CRB1: variants seen among roughly 807,000 people sequenced by gnomAD.
CRB1 encodes protein crumbs homolog 1.
Under a neutral mutation model 120.0 loss-of-function variants are expected in CRB1, and 83 were observed. The observed-to-expected ratio is 0.69, with a 90% CI of 0.58 to 0.83. The LOEUF is 0.83. Ranked by LOEUF, CRB1 falls within the 40% of genes least tolerant of loss-of-function variation. The pLI, the probability that CRB1 is intolerant of heterozygous loss-of-function variation, is 0.00. For synonymous variants in CRB1, 625 were observed against 612.5 expected, an observed-to-expected ratio of 1.02 and a Z score of -0.30; for missense variants, 1,699 against 1,687.6, an observed-to-expected ratio of 1.01 and a Z score of -0.12.
chr1:197,322,205 G>C (rs917474373), intron 1 of CRB1, among the ~76,000 whole-genome samples: 1 of 152,126 alleles, frequency 6.6e-6, no homozygotes, highest in African/African-American at 2.4e-5. Flanking sequence ...CACTGGCCAG[G>C]TACGGTGGCT....
At chr1:197,345,369 G>GGAA (rs1292622667) in intron 3 of CRB1, among the ~76,000 whole-genome samples, 5 of 151,988 alleles carry the variant, frequency 3.3e-5, no homozygotes, top group Non-Finnish European at 7.4e-5. Flanking sequence ...CTTTGCAAAA[G>GGAA]GAAGACCAGA....
chr1:197,477,669 A>G lies in CRB1; in HGVS notation c.4011A>G (p.Ala1337=). Residue 1337 remains alanine, a synonymous_variant, in exon 12 of 12, where the codon GCA becomes GCG. Coordinates refer to ENST00000367400, the MANE Select transcript of CRB1 (RefSeq NM_201253.3). ...FAGERCEVDL[A]DDLISDIFTT... is the part of the protein sequence containing the mutation. Reference sequence around the variant, plus strand: ...AATGATTTCAATCTTTCCAGTTGGCAGATGACTTGATCTCCGACATTTTCA... The same window carrying G: ...AATGATTTCAATCTTTCCAGTTGGCGGATGACTTGATCTCCGACATTTTCA... 1 of 1,613,746 alleles carries G rather than the reference A, an allele frequency of 6.2e-7. No homozygotes were observed. Among genetic ancestry groups the G allele is most frequent in the Non-Finnish European group, 8.5e-7 (1 of 1,179,696 alleles).
chr1:197,390,095 A>G (rs1228776761), intron 5 of CRB1, among the ~76,000 whole-genome samples: 1 of 150,862 alleles, frequency 6.6e-6, no homozygotes, highest in Non-Finnish European at 1.5e-5. Context: ...TGTAGAAAGG[A>G]AGTCAAATCT....
At chr1:197,359,008 T>A (rs1201677956) in intron 5 of CRB1, among the ~76,000 whole-genome samples, 5 of 152,228 alleles carry the variant, frequency 3.3e-5, no homozygotes, top group African/African-American at 1.2e-4. Context: ...TTTTTATGTC[T>A]ACACGTTTTT....
intron 11 of CRB1, chr1:197,443,155 T>C (rs1390366936): frequency 6.6e-6 from 1 of 151,594 alleles, no homozygotes; most frequent in Non-Finnish European, 1.5e-5. Flanking sequence ...GAATTACCGA[T>C]TAAAATTACT....
rs146813710 is a variant in CRB1, at chr1:197,304,239, C to T, written c.71-24183C>T. 62 of 201,828 alleles carry T rather than the reference C, an allele frequency of 3.1e-4. No homozygotes were observed. The Middle Eastern group carries it at 7.4e-3, about 24-fold the overall frequency. The allele number at this position is 201,828 out of a possible 1,614,324, so 12.5% of individuals were successfully genotyped here. A position where few individuals can be genotyped will look rare whatever the true frequency, so the allele number is the denominator to read the frequency against. ...TCTCTCAAAAATGGAATATAATATA[C>T]TCTTTAATAAGATTATTGTCTAATT... On this transcript the variant is annotated intron_variant, in intron 1 of 11. Coordinates refer to ENST00000367400, the MANE Select transcript of CRB1 (RefSeq NM_201253.3).
At chr1:197,238,408 T>C in the CRB1 span, among the ~76,000 whole-genome samples, 2 of 152,240 alleles carry the variant, frequency 1.3e-5, no homozygotes, top group Non-Finnish European at 2.9e-5. Context: ...GTAGACAATA[T>C]TGCTTTGATC....
the CRB1 span, among the ~76,000 whole-genome samples, chr1:197,231,394 T>A: frequency 6.6e-6 from 1 of 152,146 alleles, no homozygotes; most frequent in African/African-American, 2.4e-5. Flanking sequence ...TATAAGGTAT[T>A]CCACATGCCT....
chr1:197,420,958 T>A (rs1664273559), intron 5 of CRB1, 42 bp from the exon 6 acceptor site: 1 of 1,209,524 alleles, frequency 8.3e-7, no homozygotes, highest in Non-Finnish European at 1.2e-6. Context: ...CTATTTTTGA[T>A]GTGAATATAT....
chr1:197,377,063 C>G (rs1661687574), intron 5 of CRB1, among the ~76,000 whole-genome samples: 1 of 152,154 alleles, frequency 6.6e-6, no homozygotes, highest in Non-Finnish European at 1.5e-5. Context: ...TCAAAGACCA[C>G]TTTTCCAGAG....
intron 2 of CRB1, among the ~76,000 whole-genome samples, chr1:197,335,509 T>G (rs145715224): frequency 1.6e-3 from 251 of 152,244 alleles, no homozygotes; most frequent in African/African-American, 5.8e-3. Context: ...TGTTTTAATT[T>G]TTTTTTTCAG....
chr1:197,229,778 G>T, the CRB1 span, among the ~76,000 whole-genome samples: 1 of 152,062 alleles, frequency 6.6e-6, no homozygotes, highest in Non-Finnish European at 1.5e-5. Flanking sequence ...CTTGCCCTCT[G>T]CCTCTCATTT....
the CRB1 span, among the ~76,000 whole-genome samples, chr1:197,233,524 G>A: frequency 1.3e-5 from 2 of 152,276 alleles, no homozygotes; most frequent in South Asian, 2.1e-4. Flanking sequence ...GCTGTTCAAG[G>A]TGATTTACTG....
In CRB1 at chr1:197,328,789, G is replaced by A. The variant is rs1276792962; in HGVS notation, c.438G>A (p.Glu146=). The A allele has an allele frequency of 7.4e-6, 12 of 1,613,652 alleles. No homozygotes were observed. The highest frequency in any genetic ancestry group is 9.3e-6 in the Non-Finnish European group (11 of 1,179,646). ...CTGGATATGCTGGAAGATTCTGTGA[G>A]ATAGATCACGATGAGTGTGCTTCCA... ...CPAGYAGRFC[E]IDHDECASSP... The change falls in exon 2 of 12, where the codon GAG becomes GAA. Residue 146 remains glutamate (E), a synonymous_variant. Transcript: ENST00000367400.
At chr1:197,288,871 T>C (rs1243374131) in intron 1 of CRB1, among the ~76,000 whole-genome samples, 1 of 151,102 alleles carries the variant, frequency 6.6e-6, no homozygotes, top group Non-Finnish European at 1.5e-5. Flanking sequence ...GTCTAAGATA[T>C]GCAAAATTGG....
At chr1:197,385,142 C>T (rs1328539264) in intron 5 of CRB1, among the ~76,000 whole-genome samples, 9 of 152,060 alleles carry the variant, frequency 5.9e-5, no homozygotes, top group Non-Finnish European at 1.2e-4. Context: ...TGCAAACTAC[C>T]CTCCCCCAGC....
intron 1 of CRB1, among the ~76,000 whole-genome samples, chr1:197,293,718 T>C (rs1656342661): frequency 6.6e-6 from 1 of 152,112 alleles, no homozygotes; most frequent in Non-Finnish European, 1.5e-5. Context: ...AACAGAGATA[T>C]AGACCAATGG....
intron 1 of CRB1, among the ~76,000 whole-genome samples, chr1:197,319,183 G>T (rs1169575877): frequency 2.7e-5 from 4 of 147,634 alleles, no homozygotes; most frequent in Non-Finnish European, 5.9e-5. Context: ...TAGAAGTTTG[G>T]GGGGCTGAGG....
At chr1:197,246,242 A>T in the CRB1 span, among the ~76,000 whole-genome samples, 1 of 152,058 alleles carries the variant, frequency 6.6e-6, no homozygotes, top group Non-Finnish European at 1.5e-5. Context: ...AGAGGTGGGG[A>T]CACAGTTCTT....
Sources: gnomAD v4.1 joint callset for allele counts (sites outside exome capture counted in the v4.1 genomes callset) on GRCh38, gnomAD v4.1.1 for gene constraint, MANE v1.5 for transcripts, NCBI Gene and HGNC (gene_info 2026-07-23, HGNC 2026-07-21) for gene names.